Variants in LIMCH1 observed in about 807,000 individuals in gnomAD.
LIMCH1 encodes the protein LIM and calponin homology domains-containing protein 1.
Under a neutral mutation model 176.5 loss-of-function variants are expected in LIMCH1, and 113 were observed. That is an observed-to-expected ratio of 0.64 (90% CI 0.55 to 0.75). The LOEUF is 0.75. LIMCH1 is among the 30% of genes least tolerant of loss of function. The pLI, the probability that LIMCH1 is intolerant of heterozygous loss-of-function variation, is 0.00. For synonymous variants in LIMCH1, 619 were observed against 645.9 expected (o/e 0.96, Z 0.63); for missense variants, 1,674 against 1,814.9 (o/e 0.92, Z 1.41).
At chr4:41,383,451 G>A (rs2056016712) in intron 1 of LIMCH1, among the ~76,000 whole-genome samples, 1 of 152,202 alleles carries the variant, frequency 6.6e-6, no homozygotes, top group Non-Finnish European at 1.5e-5. Context: ...GGTGTGGGAG[G>A]AGTTAAAGCC....
chr4:41,395,762 T>C (rs973766762), intron 1 of LIMCH1, among the ~76,000 whole-genome samples: 4 of 152,192 alleles, frequency 2.6e-5, no homozygotes, highest in Admixed American at 1.3e-4. Flanking sequence ...GCATCTACTA[T>C]ATGTCAGGAA....
chr4:41,651,919 G>T (rs1037921364), intron 18 of LIMCH1, among the ~76,000 whole-genome samples: 1 of 152,156 alleles, frequency 6.6e-6, no homozygotes, highest in Non-Finnish European at 1.5e-5. Context: ...ACTCATGCTG[G>T]TTTCACTAAT....
At chr4:41,431,874 C>A (rs1420389480) in intron 1 of LIMCH1, among the ~76,000 whole-genome samples, 3 of 152,078 alleles carry the variant, frequency 2.0e-5, no homozygotes, top group Non-Finnish European at 4.4e-5. Flanking sequence ...GAGAAGAAAA[C>A]AAAAACTTTG....
intron 1 of LIMCH1, among the ~76,000 whole-genome samples, chr4:41,586,267 C>G (rs1262809199): frequency 6.6e-6 from 1 of 151,904 alleles, no homozygotes; most frequent in Non-Finnish European, 1.5e-5. Flanking sequence ...TGTCACCATG[C>G]CTGGCTAATT....
At chr4:41,452,770 T>C (rs1159275898) in intron 1 of LIMCH1, among the ~76,000 whole-genome samples, 1 of 152,180 alleles carries the variant, frequency 6.6e-6, no homozygotes, top group Non-Finnish European at 1.5e-5. Context: ...CAAAATCAGA[T>C]GGCTCTTCCT....
intron 8 of LIMCH1, among the ~76,000 whole-genome samples, chr4:41,627,431 G>A (rs776178793): frequency 3.3e-4 from 50 of 152,144 alleles, no homozygotes; most frequent in Admixed American, 5.2e-4. Context: ...GCAGAAAAAC[G>A]CTAAAAGCAC....
intron 1 of LIMCH1, among the ~76,000 whole-genome samples, chr4:41,442,505 G>A (rs2154142050): frequency 6.6e-6 from 1 of 152,222 alleles, no homozygotes; most frequent in South Asian, 2.1e-4. Context: ...AATGGATGAA[G>A]GAATTAATTG....
At chr4:41,573,291 A>G (rs1188186816) in intron 1 of LIMCH1, among the ~76,000 whole-genome samples, 1 of 152,246 alleles carries the variant, frequency 6.6e-6, no homozygotes, top group African/African-American at 2.4e-5. Flanking sequence ...AATCATTGCC[A>G]TCTTTTTCTA....
chr4:41,696,007 T>C (rs1313590480), intron 31 of LIMCH1, among the ~76,000 whole-genome samples: 2 of 152,188 alleles, frequency 1.3e-5, no homozygotes, highest in Admixed American at 1.3e-4. Flanking sequence ...GAAGGGTGGT[T>C]TACGTCATAG....
At chr4:41,402,475 G>T (rs62411089) in intron 1 of LIMCH1, among the ~76,000 whole-genome samples, 1 of 140,492 alleles carries the variant, frequency 7.1e-6, no homozygotes, top group South Asian at 2.4e-4. Flanking sequence ...CCCATTACTG[G>T]GTATATACCC....
chr4:41,620,822 T>C (rs2092516659), intron 7 of LIMCH1, 132 bp downstream of exon 7: 2 of 1,019,442 alleles, frequency 2.0e-6, no homozygotes, highest in Non-Finnish European at 2.8e-6. Flanking sequence ...TGTTCCCTGC[T>C]CTGAGCACGT....
Position 41,434,310 on chromosome 4 carries a change from C to T in LIMCH1, c.97-60226C>T, listed in dbSNP as rs115458462. Among the ~76,000 whole-genome samples the T allele has an allele frequency of 1.3e-3, 195 of 152,328 alleles. 1 individual carries two copies. Among genetic ancestry groups the T allele is most frequent in the African/African-American group, 4.6e-3 (190 of 41,568 alleles). ...CCTGGCCACCAGCTGTAGACATCAG[C>T]TACAGATGTCCATGGAATATCTAGG... is the stretch of plus-strand genomic sequence containing the variant. On this transcript the variant is annotated intron_variant, in intron 1 of 26. Coordinates refer to the LIMCH1 transcript ENST00000313860.
chr4:41,546,877 G>C (rs1290567408), intron 1 of LIMCH1, among the ~76,000 whole-genome samples: 1 of 152,156 alleles, frequency 6.6e-6, no homozygotes. Context: ...GAGAAAGAGA[G>C]AGAGAGGTTG....
chr4:41,606,916 A>C (rs997915640), intron 4 of LIMCH1, among the ~76,000 whole-genome samples: 2 of 152,208 alleles, frequency 1.3e-5, no homozygotes, highest in African/African-American at 4.8e-5. Flanking sequence ...CTCCTGCCTC[A>C]GTCTCCCGAG....
intron 7 of LIMCH1, 58 bp downstream of exon 7, chr4:41,620,748 A>C: frequency 1.4e-6 from 2 of 1,480,938 alleles, no homozygotes; most frequent in Non-Finnish European, 1.8e-6. Flanking sequence ...GGGATTTGGA[A>C]TCTGTCTAGA....
intron 1 of LIMCH1, among the ~76,000 whole-genome samples, chr4:41,540,545 C>G (rs1231483241): frequency 6.6e-6 from 1 of 152,090 alleles, no homozygotes; most frequent in Non-Finnish European, 1.5e-5. Flanking sequence ...TCGAGACCAG[C>G]CTGGCCAACG....
intron 1 of LIMCH1, among the ~76,000 whole-genome samples, chr4:41,385,115 C>T (rs2056313431): frequency 6.6e-6 from 1 of 152,168 alleles, no homozygotes; most frequent in African/African-American, 2.4e-5. Flanking sequence ...GTACTCTGAA[C>T]CAGTGGATAT....
intron 1 of LIMCH1, among the ~76,000 whole-genome samples, chr4:41,474,022 A>T (rs1348071803): frequency 1.3e-5 from 2 of 151,770 alleles, no homozygotes; most frequent in African/African-American, 4.8e-5. Context: ...TACTAAAAAT[A>T]AAAAAATTAA....
chr4:41,467,940 C>G (rs1006227989), intron 1 of LIMCH1, among the ~76,000 whole-genome samples: 1 of 152,004 alleles, frequency 6.6e-6, no homozygotes, highest in Non-Finnish European at 1.5e-5. Context: ...CGTCACATAT[C>G]AGAATTCAAA....
Sources: allele counts gnomAD v4.1 joint callset (sites outside exome capture counted in the v4.1 genomes callset), GRCh38; gene constraint gnomAD v4.1.1; transcripts MANE v1.5; gene names NCBI Gene and HGNC (gene_info 2026-07-23, HGNC 2026-07-21).